Variants in ZNF208 observed in about 807,000 individuals in gnomAD.
ZNF208 encodes zinc finger protein 208, also known as zinc finger protein 95.
ZNF208 carries 10 observed loss-of-function variants against 12.1 expected under a neutral mutation model. That is an observed-to-expected ratio of 0.83 (90% CI 0.51 to 1.40). The LOEUF is 1.40. Among genes scored for constraint, ZNF208 ranks in the 40% most tolerant of loss-of-function variants. The pLI, the probability that ZNF208 is intolerant of heterozygous loss-of-function variation, is 0.00. For missense variants in ZNF208, 1,652 were observed against 1,485.0 expected, an observed-to-expected ratio of 1.11 and a Z score of -1.85; for synonymous variants, 497 against 488.4, an observed-to-expected ratio of 1.02 and a Z score of -0.23.
downstream of ZNF208, among the ~76,000 whole-genome samples, chr19:21,961,551 GGGTGGGGTTTTTTTCCCCACC>G (rs1327272490): frequency 2.0e-5 from 3 of 152,076 alleles, no homozygotes; most frequent in African/African-American, 7.2e-5. Flanking sequence ...AAATTCACCA[GGGTGGGGTTTTTTTCCCCACC>G]CTAATAAGCC....
At chr19:21,992,333 T>C (rs1210227912) in intron 1 of ZNF208, among the ~76,000 whole-genome samples, 1 of 152,204 alleles carries the variant, frequency 6.6e-6, no homozygotes, top group Non-Finnish European at 1.5e-5. Context: ...AGGTAAATTA[T>C]AGTCTGAGTT....
rs1043894823 is a variant in ZNF208 at position 21,967,694 on chromosome 19, T to C, written c.*3497A>G. ...AGCCACCATGCTTGGCCCAGATTTA[T>C]TCTTTTAGTCTGAAGTTTTCTTGGC... On this transcript the variant is annotated 3_prime_UTR_variant, in exon 4 of 4. Coordinates refer to ENST00000397126, the MANE Select transcript of ZNF208 (RefSeq NM_007153.3). The C allele has an allele frequency of 6.6e-6, 1 of 152,130 alleles. No homozygotes were observed. The highest frequency in any genetic ancestry group is 2.4e-5 in the African/African-American group (1 of 41,444). The allele number at this position is 152,130 out of a possible 1,614,324, so 9.4% of individuals were successfully genotyped here.
At chr19:21,956,678 C>A (rs1381681212) in intron 4 of ZNF208, among the ~76,000 whole-genome samples, 1 of 152,322 alleles carries the variant, frequency 6.6e-6, no homozygotes, top group South Asian at 2.1e-4. Flanking sequence ...TTTGCTAAGA[C>A]CATTGGAAAA....
downstream of ZNF208, among the ~76,000 whole-genome samples, chr19:21,964,528 C>T (rs929073874): frequency 6.6e-6 from 1 of 151,592 alleles, no homozygotes; most frequent in Non-Finnish European, 1.5e-5. Context: ...AAACAAAAAA[C>T]AATATGCCTT....
In ZNF208 at chr19:21,974,057, G is replaced by A. The variant is rs200983373; in HGVS notation, c.977C>T (p.Ser326Leu). ...AATTGCCTTATGTGTAATAAGGGTT[G>A]AGACCTTACTGAAGGCTTTGCCACA... ...KECGKAFSKV[S>L]TLITHKAIHA... Residue 326 changes from serine to leucine, a missense_variant, in exon 4 of 4, where the codon TCA (serine) becomes TTA (leucine). Ser to Leu is a moderately radical substitution (Grantham distance 145). Coordinates refer to ENST00000397126, the MANE Select transcript of ZNF208 (RefSeq NM_007153.3). The A allele has an allele frequency of 1.5e-5, 20 of 1,296,208 alleles. 3 individuals carry two copies. The highest frequency in any genetic ancestry group is 7.0e-5 in the African/African-American group (4 of 56,826). The allele number at this position is 1,296,208 out of a possible 1,614,324, so 80.3% of individuals were successfully genotyped here.
intron 3 of ZNF208, among the ~76,000 whole-genome samples, chr19:21,977,670 C>G (rs758407302): frequency 2.0e-5 from 3 of 152,196 alleles, no homozygotes; most frequent in Non-Finnish European, 2.9e-5. Flanking sequence ...AGACACCAAA[C>G]TAGCTGCAGG....
chr19:21,951,522 CTG>C (rs1969887762), intron 4 of ZNF208, among the ~76,000 whole-genome samples: 1 of 152,146 alleles, frequency 6.6e-6, no homozygotes, highest in Non-Finnish European at 1.5e-5. Context: ...AAAGAATACT[CTG>C]TGTAAAAATA....
chr19:21,989,052 C>T (rs1441059409), intron 1 of ZNF208, 143 bp from the exon 2 acceptor site: 3 of 1,137,230 alleles, frequency 2.6e-6, no homozygotes, highest in African/African-American at 1.6e-5. Context: ...ATTTTTAACA[C>T]AAATATTCTC....
chr19:21,974,820 A>G lies in ZNF208; in HGVS notation c.227-13T>C. On this transcript the variant is annotated splice_polypyrimidine_tract_variant and intron_variant, in intron 3 of 3. Transcript: ENST00000397126. ...TGAGAACATATAACTGAAAAGAAAT[A>G]AAAATCACAAATTAGCCTACTTATT... 1 of 1,516,454 alleles carries G rather than the reference A, an allele frequency of 6.6e-7. No individual in the cohort carries two copies. Among genetic ancestry groups the G allele is most frequent in the Non-Finnish European group, 8.8e-7 (1 of 1,136,558 alleles). The allele number at this position is 1,516,454 out of a possible 1,614,324, so 93.9% of individuals were successfully genotyped here. A position where few individuals can be genotyped will look rare whatever the true frequency, so the allele number is the denominator to read the frequency against.
intron 1 of ZNF208, among the ~76,000 whole-genome samples, chr19:21,994,447 A>C (rs1483962013): frequency 6.6e-6 from 1 of 152,174 alleles, no homozygotes; most frequent in African/African-American, 2.4e-5. Context: ...AGGGCCAGAC[A>C]TAAATAAGGC....
At chr19:21,977,586 C>T (rs1970457285) in intron 3 of ZNF208, among the ~76,000 whole-genome samples, 1 of 152,162 alleles carries the variant, frequency 6.6e-6, no homozygotes, top group Non-Finnish European at 1.5e-5. Context: ...AGCCTGCAGA[C>T]CAGGAGATTC....
chr19:22,008,879 T>C (rs960483890), intron 1 of ZNF208, among the ~76,000 whole-genome samples: 15 of 152,168 alleles, frequency 9.9e-5, no homozygotes, highest in African/African-American at 3.4e-4. Flanking sequence ...GAGGCTACAC[T>C]GTGTACCTCA....
At chr19:21,988,532 A>G (rs568752273) in intron 2 of ZNF208, among the ~76,000 whole-genome samples, 8 of 152,288 alleles carry the variant, frequency 5.3e-5, no homozygotes, top group South Asian at 2.1e-4. Flanking sequence ...GCAGGCCTTC[A>G]TTAAGTCAAG....
intron 1 of ZNF208, chr19:21,997,670 CAGG>C (rs1393488588): frequency 5.9e-6 from 1 of 168,682 alleles, no homozygotes; most frequent in Non-Finnish European, 1.2e-5. Flanking sequence ...GCCTGAGCAG[CAGG>C]AGGAGAGCCT....
chr19:21,971,493 A>G lies in ZNF208; in HGVS notation c.3541T>C (p.Phe1181Leu). Residue 1181 changes from phenylalanine (F) to leucine (L), a missense_variant, in exon 4 of 4, where the codon TTC (phenylalanine) becomes CTC (leucine). By Grantham distance (22) the Phe-to-Leu change is conservative (BLOSUM62 0). This residue lies in a region of ZNF208 where 1,239 missense variants were observed against 1,086.2 expected (regional missense o/e 1.14). Coordinates refer to ENST00000397126, the MANE Select transcript of ZNF208 (RefSeq NM_007153.3). ...CEECGKGFVM[F>L]SILAKHKVIH... ...ACCTTATGTTTTGCAAGGATTGAGA[A>G]CATAACAAAGCCTTTGCCACATTCT... The G allele has an allele frequency of 6.2e-7, 1 of 1,611,136 alleles. No individual in the cohort carries two copies.
chr19:21,983,813 G>A (rs1225372086), intron 3 of ZNF208, among the ~76,000 whole-genome samples: 2 of 152,008 alleles, frequency 1.3e-5, no homozygotes, highest in African/African-American at 2.4e-5. Context: ...AGAACACAGG[G>A]ACACAGGAAG....
At chr19:21,994,083 C>A (rs773421293) in intron 1 of ZNF208, among the ~76,000 whole-genome samples, 1 of 151,938 alleles carries the variant, frequency 6.6e-6, no homozygotes, top group East Asian at 1.9e-4. Flanking sequence ...TTGATTTTTT[C>A]AAAAAATGTA....
Position 22,010,805 on chromosome 19 carries a change from C to T in ZNF208, c.-11G>A, listed in dbSNP as rs374497614. ...CGGCACACTCACCATTTCTAGGCTT[C>T]CAGGGGGTCCTGGCGACTTAGTTGT... On this transcript the variant is annotated 5_prime_UTR_variant, in exon 1 of 4. Transcript: ENST00000397126. 53 of 1,614,126 alleles carry T rather than the reference C, an allele frequency of 3.3e-5. No individual in the cohort carries two copies. In the African/African-American group the frequency reaches 6.0e-4, roughly 18 times the overall value.
At chr19:21,959,487 C>T (rs1262180390) in intron 4 of ZNF208, among the ~76,000 whole-genome samples, 1 of 152,174 alleles carries the variant, frequency 6.6e-6, no homozygotes, top group Non-Finnish European at 1.5e-5. Flanking sequence ...GAAGTGAACC[C>T]TCTTTCACCA....
Sources: gnomAD v4.1 joint callset for allele counts (sites outside exome capture counted in the v4.1 genomes callset) on GRCh38, gnomAD v4.1.1 for gene constraint, gnomAD v4.1.1 regional missense constraint, MANE v1.5 for transcripts, NCBI Gene and HGNC (gene_info 2026-07-23, HGNC 2026-07-21) for gene names.